Variants in CDH6 observed in about 807,000 individuals in gnomAD.
The protein encoded by CDH6 is cadherin-6.
A neutral mutation model predicts 78.0 loss-of-function variants in CDH6; 31 were observed. The ratio of observed to expected loss-of-function variants is 0.40; its 90% CI spans 0.30 to 0.54. CDH6 has a LOEUF of 0.54. CDH6 is among the 20% of genes least tolerant of loss of function. The pLI is 0.56. For missense variants in CDH6, 724 were observed against 975.9 expected (o/e 0.74, Z 3.44); for synonymous variants, 376 against 368.8 (o/e 1.02, Z -0.23).
At chr5:31,203,233 C>CTTTTTTTTT (rs10656122) in intron 1 of CDH6, among the ~76,000 whole-genome samples, 5 of 127,236 alleles carry the variant, frequency 3.9e-5, no homozygotes, top group Admixed American at 7.6e-5. Flanking sequence ...CAGGCAGGTC[C>CTTTTTTTTT]TTTTTTTTTT....
rs896324063 is a variant in CDH6, at chr5:31,325,222, G to C, written c.*1914G>C. ...TCCTTGTGTCTTCTGAATGGTTTCCGATTTTATAATGGACTGCCCTATATA... is the reference window on the plus strand; with the variant it reads ...TCCTTGTGTCTTCTGAATGGTTTCCCATTTTATAATGGACTGCCCTATATA... On this transcript the variant is annotated 3_prime_UTR_variant, in exon 12 of 12. Coordinates refer to ENST00000265071, the MANE Select transcript of CDH6 (RefSeq NM_004932.4). 8.7e-6 allele frequency: 2 copies of C among 228,584 alleles called. No homozygotes were observed. The highest frequency in any genetic ancestry group is 1.2e-4 in the East Asian group (2 of 16,010). 14.2% of individuals were successfully genotyped at this position (228,584 alleles called of 1,614,324 possible).
At chr5:31,311,817 C>T (rs984151709) in intron 7 of CDH6, among the ~76,000 whole-genome samples, 5 of 152,228 alleles carry the variant, frequency 3.3e-5, no homozygotes, top group African/African-American at 1.2e-4. Flanking sequence ...CACCTCCCAT[C>T]ACGCCCCTCC....
At chr5:31,195,202 T>C (rs564056491) in intron 1 of CDH6, among the ~76,000 whole-genome samples, 2 of 152,300 alleles carry the variant, frequency 1.3e-5, no homozygotes, top group African/African-American at 2.4e-5. Context: ...GAAGAGGTTT[T>C]CCCTGCAAGA....
intron 1 of CDH6, among the ~76,000 whole-genome samples, chr5:31,244,000 A>T (rs549219647): frequency 6.6e-6 from 1 of 152,216 alleles, no homozygotes; most frequent in African/African-American, 2.4e-5. Flanking sequence ...AATTTTGTAC[A>T]GTCTTGTTTT....
chr5:31,196,496 T>A (rs1343319847), intron 1 of CDH6, among the ~76,000 whole-genome samples: 2 of 152,202 alleles, frequency 1.3e-5, no homozygotes, highest in Non-Finnish European at 2.9e-5. Context: ...GCCAACACAC[T>A]AAGGCTGAAT....
In CDH6 at chr5:31,291,898, T is replaced by C. The variant is rs186689755; in HGVS notation, c.229-2064T>C. Among the ~76,000 whole-genome samples, 4 of 152,330 alleles carry C rather than the reference T, an allele frequency of 2.6e-5. No individual in the cohort carries two copies. In the East Asian group the frequency reaches 7.7e-4, roughly 29 times the overall value. On this transcript the variant is annotated intron_variant, in intron 2 of 11. Transcript: ENST00000265071. ...AATTTCCTCCCCATTCGAATTTATC[T>C]TCCATTATTTCTGCCAAATTGCTTT...
At chr5:31,201,540 T>C (rs1192573703) in intron 1 of CDH6, among the ~76,000 whole-genome samples, 1 of 152,200 alleles carries the variant, frequency 6.6e-6, no homozygotes, top group African/African-American at 2.4e-5. Flanking sequence ...TGCTTTGAAG[T>C]TAAAATGTCA....
Position 31,259,718 on chromosome 5 carries a change from G to A in CDH6, c.-128-7628G>A, listed in dbSNP as rs144748035. Among the ~76,000 whole-genome samples the A allele has an allele frequency of 6.5e-3, 987 of 152,206 alleles. 8 individuals carry two copies. Among genetic ancestry groups the A allele is most frequent in the African/African-American group, 0.023 (937 of 41,512 alleles). The stretch of plus-strand genomic sequence containing the variant: ...AAATGCTTTCTCTTCTTCTTTGTTC[G>A]CATGAGTAAATCTTTTGGGAAAAGA... On this transcript the variant is annotated intron_variant, in intron 1 of 11. Coordinates refer to ENST00000265071, the MANE Select transcript of CDH6 (RefSeq NM_004932.4).
At position 31,204,411 on chromosome 5, in the gene CDH6, A is replaced by T. The variant is rs112971013; in HGVS notation, c.-129+10525A>T. The stretch of plus-strand genomic sequence containing the variant: ...TAACGCTAGGGAGGACGGGTACTTT[A>T]TTTAAAATATGAAGTTGGAAGCAAC... On this transcript the variant is annotated intron_variant, in intron 1 of 11. Coordinates refer to ENST00000265071, the MANE Select transcript of CDH6 (RefSeq NM_004932.4). 3.5e-3 allele frequency among the ~76,000 whole-genome samples: 539 copies of T among 152,306 alleles called. 7 individuals are homozygous for T. The highest frequency in any genetic ancestry group is 0.012 in the African/African-American group (506 of 41,566).
intron 1 of CDH6, chr5:31,249,646 A>C (rs1741856025): frequency 6.6e-6 from 1 of 152,280 alleles, no homozygotes; most frequent in South Asian, 2.1e-4. Context: ...ACCACCTAGC[A>C]GCATCTGTAC....
At position 31,305,447 on chromosome 5, in the gene CDH6, A is replaced by G. The variant is rs2149954038; in HGVS notation, c.1253+20A>G. 6.3e-7 allele frequency: 1 copy of G among 1,598,806 alleles called. No individual in the cohort carries two copies. The highest frequency in any genetic ancestry group is 8.5e-7 in the Non-Finnish European group (1 of 1,171,900). ...TGTCAAGTAAGCACACTTCTGCGAC[A>G]TGTCTCTTTCATAAGCTTCAGTCAA... On this transcript the variant is annotated intron_variant, in intron 7 of 11. Coordinates refer to ENST00000265071, the MANE Select transcript of CDH6 (RefSeq NM_004932.4).
intron 2 of CDH6, among the ~76,000 whole-genome samples, chr5:31,274,476 A>T (rs1342629015): frequency 2.0e-5 from 3 of 152,204 alleles, no homozygotes; most frequent in African/African-American, 7.2e-5. Context: ...CCATTTCATC[A>T]TGCCTGTGGA....
chr5:31,325,325 C>G lies in CDH6; in HGVS notation c.*2017C>G. 3.6e-5 allele frequency: 1 copy of G among 27,834 alleles called. No individual in the cohort carries two copies. The highest frequency in any genetic ancestry group is 8.4e-4 in the East Asian group (1 of 1,196). The allele number at this position is 27,834 out of a possible 1,614,324, so 1.7% of individuals were successfully genotyped here. On this transcript the variant is annotated 3_prime_UTR_variant, in exon 12 of 12. Coordinates refer to ENST00000265071, the MANE Select transcript of CDH6 (RefSeq NM_004932.4). Reference sequence around the variant, plus strand: ...CTAGTTCTTCATACACACACATACACACACACACACACACACACACACACA... The same window carrying G: ...CTAGTTCTTCATACACACACATACAGACACACACACACACACACACACACA...
chr5:31,321,741 G>A (rs779061499), intron 11 of CDH6, among the ~76,000 whole-genome samples: 8 of 152,114 alleles, frequency 5.3e-5, no homozygotes, highest in Non-Finnish European at 1.0e-4. Context: ...CAGTTTTCAT[G>A]TCTCATAAAA....
rs746411792 is a variant in CDH6, at chr5:31,323,226, A to T, written c.2291A>T (p.Tyr764Phe). ...ESVTTDADQD[Y>F]DYLSDWGPRF... Reference sequence around the variant, plus strand: ...GTGACCACGGATGCAGATCAAGACTATGATTACCTTAGTGACTGGGGACCT... The same window carrying T: ...GTGACCACGGATGCAGATCAAGACTTTGATTACCTTAGTGACTGGGGACCT... The change falls in exon 12 of 12, where the codon TAT becomes TTT. Residue 764 changes from tyrosine (Y) to phenylalanine (F), a missense_variant. Transcript: ENST00000265071. The T allele has an allele frequency of 6.2e-7, 1 of 1,614,180 alleles. No individual in the cohort carries two copies. The highest frequency in any genetic ancestry group is 1.1e-5 in the South Asian group (1 of 91,082).
rs1252609866 is a variant in CDH6 at position 31,324,320 on chromosome 5, A to G, written c.*1012A>G. ...TCTTACACGACTAAGTTGAATTAGT[A>G]AAGTTAGATTAAATAAAACTTAAAT... On this transcript the variant is annotated 3_prime_UTR_variant, in exon 12 of 12. Coordinates refer to ENST00000265071, the MANE Select transcript of CDH6 (RefSeq NM_004932.4). The G allele has an allele frequency of 1.4e-5, 3 of 212,974 alleles. No individual in the cohort carries two copies. Among genetic ancestry groups the G allele is most frequent in the Non-Finnish European group, 2.8e-5 (3 of 105,516 alleles). The allele number at this position is 212,974 out of a possible 1,614,324, so 13.2% of individuals were successfully genotyped here.
intron 1 of CDH6, among the ~76,000 whole-genome samples, chr5:31,199,431 TA>T (rs1740262660): frequency 4.9e-5 from 2 of 40,998 alleles, no homozygotes; most frequent in Non-Finnish European, 1.0e-4. Flanking sequence ...TGTACACACA[TA>T]TGTGTATATA....
intron 2 of CDH6, among the ~76,000 whole-genome samples, chr5:31,278,879 A>G (rs186980816): frequency 6.6e-6 from 1 of 152,348 alleles, no homozygotes; most frequent in African/African-American, 2.4e-5. Flanking sequence ...TGTAGAGAAA[A>G]TCCTGCTTTA....
At chr5:31,208,165 T>C (rs1049276534) in intron 1 of CDH6, among the ~76,000 whole-genome samples, 10 of 152,144 alleles carry the variant, frequency 6.6e-5, no homozygotes, top group Admixed American at 3.3e-4. Flanking sequence ...CTTGATATAA[T>C]GGAGAGCATG....
Sources: gnomAD v4.1 joint callset for allele counts (sites outside exome capture counted in the v4.1 genomes callset) on GRCh38, gnomAD v4.1.1 for gene constraint, MANE v1.5 for transcripts, NCBI Gene and HGNC (gene_info 2026-07-23, HGNC 2026-07-21) for gene names.